POLR2G: variants seen among roughly 807,000 people sequenced by gnomAD.
The protein encoded by POLR2G is DNA-directed RNA polymerase II subunit RPB7.
In POLR2G, 19 loss-of-function variants were observed where a neutral mutation model predicts 25.7. The ratio of observed to expected loss-of-function variants is 0.74; its 90% confidence interval spans 0.52 to 1.08. POLR2G has a LOEUF of 1.08. Ranked by LOEUF, POLR2G falls within the 50% of genes least tolerant of loss-of-function variation. The pLI, the probability that POLR2G is intolerant of heterozygous loss-of-function variation, is 0.00. For synonymous variants in POLR2G, 79 were observed against 76.0 expected, an observed-to-expected ratio of 1.04 and a Z score of -0.21; for missense variants, 123 against 218.5, an observed-to-expected ratio of 0.56 and a Z score of 2.76.
In POLR2G at chr11:62,765,713, A is replaced by G; in HGVS notation, c.460A>G (p.Lys154Glu). 1 of 1,600,768 alleles carries G rather than the reference A, an allele frequency of 6.2e-7. No individual in the cohort carries two copies. The highest frequency in any genetic ancestry group is 8.6e-7 in the Non-Finnish European group (1 of 1,167,896). The change falls in exon 6 of 8, where the codon AAG becomes GAG. Residue 154 changes from lysine to glutamate, a missense_variant. Transcript: ENST00000301788. ...RLKIVGTRVD[K>E]NDIFAIGSLM... is the part of the protein sequence containing the mutation. ...AAAGATTGTGGGGACCCGTGTGGAC[A>G]AGAATGACATTGTGAGTCTTTTCCC...
rs1218862957 is a variant in POLR2G at position 62,761,844 on chromosome 11, A to G, written c.62A>G (p.Asn21Ser). ...CTGCACCCGCGCTACTTCGGCCCCA[A>G]CTTGCTCAACACGGTGAAGCAGAAG... ...ILLHPRYFGP[N>S]LLNTVKQKLF... The change falls in exon 2 of 8, where the codon AAC (asparagine) becomes AGC (serine). Residue 21 changes from asparagine (N) to serine (S), a missense_variant. Physicochemically the swap from Asn to Ser is conservative, Grantham distance 46. Coordinates refer to ENST00000301788, the MANE Select transcript of POLR2G (RefSeq NM_002696.3). The G allele has an allele frequency of 8.1e-6, 13 of 1,613,792 alleles. No homozygotes were observed. The highest frequency in any genetic ancestry group is 2.7e-5 in the African/African-American group (2 of 74,936).
In POLR2G at chr11:62,761,678, T is replaced by C; in HGVS notation, c.12+18T>C. ...TCTACCATGTGAGCAGGGCTCAGGG[T>C]GGCGGCAAGGGCTGGGTGGAAAGGA... On this transcript the variant is annotated intron_variant, in intron 1 of 7. Coordinates refer to ENST00000301788, the MANE Select transcript of POLR2G (RefSeq NM_002696.3). The C allele has an allele frequency of 6.2e-7, 1 of 1,611,910 alleles. No homozygotes were observed. The highest frequency in any genetic ancestry group is 8.5e-7 in the Non-Finnish European group (1 of 1,178,460).
chr11:62,762,248 C>T (rs1369155749), intron 2 of POLR2G: 4 of 297,804 alleles, frequency 1.3e-5, no homozygotes, highest in Non-Finnish European at 2.6e-5. Context: ...ATCATTGTTC[C>T]TGTGTCTGCT....
chr11:62,761,995 C>T (rs2084091517), intron 2 of POLR2G, 91 bp downstream of exon 2: 2 of 956,708 alleles, frequency 2.1e-6, no homozygotes, highest in East Asian at 4.9e-5. Flanking sequence ...ACTCGTCCTG[C>T]CACCCACTCT....
chr11:62,761,721 C>T (rs2084089743), intron 1 of POLR2G, 61 bp downstream of exon 1: 2 of 1,606,592 alleles, frequency 1.2e-6, no homozygotes, highest in South Asian at 1.1e-5. Context: ...GGCCAGGCGC[C>T]GGCGCGAGAC....
intron 7 of POLR2G, 64 bp downstream of exon 7, chr11:62,766,340 T>C: frequency 2.0e-6 from 3 of 1,533,910 alleles, no homozygotes; most frequent in Non-Finnish European, 2.7e-6. Flanking sequence ...GGGTGGGGAG[T>C]AATATAGGAT....
intron 6 of POLR2G, among the ~76,000 whole-genome samples, chr11:62,766,038 C>T (rs761199771): frequency 2.6e-5 from 4 of 152,000 alleles, no homozygotes; most frequent in African/African-American, 4.8e-5. Flanking sequence ...CCACCCGACT[C>T]GGCCTCCCAA....
At position 62,766,159 on chromosome 11, in the gene POLR2G, T is replaced by C. The variant is rs1358397149; in HGVS notation, c.472-84T>C. The C allele has an allele frequency of 1.3e-5, 15 of 1,127,486 alleles. No individual in the cohort carries two copies. In the East Asian group the frequency reaches 2.6e-4, roughly 19 times the overall value. The allele number at this position is 1,127,486 out of a possible 1,614,324, so 69.8% of individuals were successfully genotyped here. On this transcript the variant is annotated intron_variant, in intron 6 of 7. Transcript: ENST00000301788. ...TCTTCTGCCAGGAAGAAGGGATGGA[T>C]GGGCAGAAGGCCTGGGGCTGCAGGG...
In POLR2G at chr11:62,765,735, T is replaced by C. The variant is rs1377122716; in HGVS notation, c.471+11T>C. The C allele has an allele frequency of 9.9e-6, 15 of 1,516,942 alleles. No individual in the cohort carries two copies. The highest frequency in any genetic ancestry group is 1.4e-5 in the Non-Finnish European group (15 of 1,091,608). The allele number at this position is 1,516,942 out of a possible 1,614,324, so 94.0% of individuals were successfully genotyped here. On this transcript the variant is annotated intron_variant, in intron 6 of 7. Transcript: ENST00000301788. Reference sequence around the variant, plus strand: ...GACAAGAATGACATTGTGAGTCTTTTCCCCACCTCTCTACCTATACCAGGT... The same window carrying C: ...GACAAGAATGACATTGTGAGTCTTTCCCCCACCTCTCTACCTATACCAGGT...
chr11:62,763,129 C>A, intron 3 of POLR2G, 103 bp downstream of exon 3: 17 of 274,270 alleles, frequency 6.2e-5, no homozygotes, highest in Non-Finnish European at 1.0e-4. Flanking sequence ...AGTCACTTCA[C>A]TTTTTTTTTT....
At chr11:62,762,070 G>A (rs1590927695) in intron 2 of POLR2G, 166 bp downstream of exon 2, 3 of 606,668 alleles carry the variant, frequency 4.9e-6, no homozygotes, top group East Asian at 2.8e-5. Context: ...GGCGCCCTCT[G>A]CAATGCTGGA....
intron 3 of POLR2G, among the ~76,000 whole-genome samples, chr11:62,763,386 C>G (rs976333871): frequency 2.6e-5 from 4 of 151,630 alleles, no homozygotes; most frequent in Non-Finnish European, 5.9e-5. Context: ...GCTCCGCCTC[C>G]CGGGTTCACA....
chr11:62,766,291 A>G lies in POLR2G; in HGVS notation c.505+15A>G. 2 of 1,611,972 alleles carry G rather than the reference A, an allele frequency of 1.2e-6. No homozygotes were observed. Among genetic ancestry groups the G allele is most frequent in the Non-Finnish European group, 1.7e-6 (2 of 1,178,100 alleles). On this transcript the variant is annotated intron_variant, in intron 7 of 7. Transcript: ENST00000301788. The stretch of plus-strand genomic sequence containing the variant: ...CGATTACTTGGGTGAGTGCCTGATC[A>G]TAGGTGCTGGGGTTATTGCCTGGAG...
intron 3 of POLR2G, among the ~76,000 whole-genome samples, chr11:62,763,527 C>T (rs905726073): frequency 3.3e-5 from 5 of 152,004 alleles, no homozygotes; most frequent in Non-Finnish European, 5.9e-5. Flanking sequence ...ATCTCCTGAC[C>T]TCGTGATCCA....
intron 2 of POLR2G, chr11:62,762,292 C>G: frequency 3.7e-6 from 1 of 268,646 alleles, no homozygotes; most frequent in South Asian, 4.2e-5. Flanking sequence ...TTCTCTTATC[C>G]CCTGTGCCCA....
At chr11:62,765,156 C>T (rs372433004) in intron 3 of POLR2G, 26 bp from the exon 4 acceptor site, 23 of 1,610,298 alleles carry the variant, frequency 1.4e-5, no homozygotes, top group Middle Eastern at 4.1e-4. Context: ...CGTGCACGGC[C>T]GTAAGATCAC....
chr11:62,763,362 T>G (rs2084098728), intron 3 of POLR2G, among the ~76,000 whole-genome samples: 1 of 150,890 alleles, frequency 6.6e-6, no homozygotes, highest in Non-Finnish European at 1.5e-5. Context: ...TGGCGAGATC[T>G]CCACTCACTG....
intron 7 of POLR2G, 56 bp from the exon 8 acceptor site, chr11:62,766,438 G>A: frequency 4.4e-6 from 7 of 1,604,458 alleles, no homozygotes; most frequent in Non-Finnish European, 6.0e-6. Flanking sequence ...AGGAGTACAT[G>A]GTTGTGGCTA....
At chr11:62,764,948 T>G (rs1225992651) in intron 3 of POLR2G, among the ~76,000 whole-genome samples, 1 of 151,790 alleles carries the variant, frequency 6.6e-6, no homozygotes, top group African/African-American at 2.4e-5. Context: ...AACCTCCACC[T>G]CCTGGGTTCA....
Sources: gnomAD v4.1 joint callset for allele counts (sites outside exome capture counted in the v4.1 genomes callset) on GRCh38, gnomAD v4.1.1 for gene constraint, MANE v1.5 for transcripts, NCBI Gene and HGNC (gene_info 2026-07-23, HGNC 2026-07-21) for gene names.